MAN1A2: variants seen among roughly 807,000 people sequenced by gnomAD.
MAN1A2 encodes the protein mannosyl-oligosaccharide 1,2-alpha-mannosidase IB.
MAN1A2 carries 26 observed loss-of-function variants against 75.7 expected under a neutral mutation model. That is an observed-to-expected ratio of 0.34 (90% confidence interval 0.25 to 0.48). MAN1A2 has a LOEUF of 0.48. MAN1A2 is among the 20% of genes least tolerant of loss of function. MAN1A2 has a pLI of 0.99. For synonymous variants in MAN1A2, 247 were observed against 264.6 expected (o/e 0.93, Z 0.65); for missense variants, 562 against 775.5 (o/e 0.72, Z 3.27).
chr1:117,416,612 A>C (rs143983810), intron 4 of MAN1A2, among the ~76,000 whole-genome samples: 7 of 152,324 alleles, frequency 4.6e-5, no homozygotes, highest in African/African-American at 1.7e-4. Context: ...AATGTTTAGA[A>C]TTGTTATCCA....
At chr1:117,460,318 A>C (rs1177909225) in intron 6 of MAN1A2, among the ~76,000 whole-genome samples, 171 bp from the exon 7 acceptor site, 1 of 152,192 alleles carries the variant, frequency 6.6e-6, no homozygotes, top group East Asian at 1.9e-4. Flanking sequence ...AATTTTTAGA[A>C]CATGGATTTA....
intron 7 of MAN1A2, among the ~76,000 whole-genome samples, chr1:117,464,261 A>G (rs1308596634): frequency 1.0e-4 from 15 of 150,570 alleles, no homozygotes; most frequent in African/African-American, 3.4e-4. Context: ...TGGGAGGCTG[A>G]GGTGGGAGGA....
At chr1:117,370,485 CTGT>C (rs1159574968) in intron 1 of MAN1A2, among the ~76,000 whole-genome samples, 1 of 152,150 alleles carries the variant, frequency 6.6e-6, no homozygotes, top group Admixed American at 6.5e-5. Flanking sequence ...GTATTATTTG[CTGT>C]TGTTTACTAT....
chr1:117,465,095 A>G (rs937204148), intron 7 of MAN1A2, among the ~76,000 whole-genome samples: 1 of 152,158 alleles, frequency 6.6e-6, no homozygotes, highest in Admixed American at 6.6e-5. Context: ...ATAAGATGTG[A>G]TATCAGTAAC....
chr1:117,406,476 T>G (rs1647618865), intron 3 of MAN1A2, among the ~76,000 whole-genome samples: 1 of 152,068 alleles, frequency 6.6e-6, no homozygotes, highest in Admixed American at 6.6e-5. Flanking sequence ...AGCAATTTTC[T>G]TTTTGACACT....
intron 4 of MAN1A2, among the ~76,000 whole-genome samples, chr1:117,419,356 T>C (rs1648113765): frequency 6.6e-6 from 1 of 152,058 alleles, no homozygotes; most frequent in Admixed American, 6.6e-5. Context: ...ATGGAGGCCC[T>C]CCCACCCTTT....
At chr1:117,430,044 C>A (rs1570737496) in intron 5 of MAN1A2, among the ~76,000 whole-genome samples, 1 of 41,614 alleles carries the variant, frequency 2.4e-5, no homozygotes, top group Non-Finnish European at 5.0e-5. Flanking sequence ...GACCCCCCCA[C>A]CTCCCTCCCG....
intron 5 of MAN1A2, among the ~76,000 whole-genome samples, chr1:117,432,864 G>A (rs1648716402): frequency 6.7e-6 from 1 of 148,900 alleles, no homozygotes; most frequent in Non-Finnish European, 1.5e-5. Flanking sequence ...GTAAAGCATA[G>A]CTAGCAATAA....
At chr1:117,494,882 C>G (rs1240079918) in intron 9 of MAN1A2, 2 of 151,832 alleles carry the variant, frequency 1.3e-5, no homozygotes, top group African/African-American at 2.4e-5. Flanking sequence ...ATCTCAGCAC[C>G]TAGCACAATA....
intron 5 of MAN1A2, among the ~76,000 whole-genome samples, chr1:117,431,248 T>C (rs1648648655): frequency 1.6e-5 from 2 of 125,140 alleles, no homozygotes; most frequent in African/African-American, 6.1e-5. Flanking sequence ...CCTTTCATAA[T>C]GAAAAAAAGG....
intron 8 of MAN1A2, among the ~76,000 whole-genome samples, chr1:117,486,981 A>T (rs924501211): frequency 3.3e-5 from 5 of 151,994 alleles, no homozygotes; most frequent in Admixed American, 2.6e-4. Flanking sequence ...AGTGTGAGTA[A>T]GTAAGATTGG....
At chr1:117,420,348 G>A (rs1301774738) in intron 4 of MAN1A2, among the ~76,000 whole-genome samples, 1 of 152,004 alleles carries the variant, frequency 6.6e-6, no homozygotes, top group African/African-American at 2.4e-5. Flanking sequence ...AAAATGGCTT[G>A]TTGGTTTCAG....
At chr1:117,483,592 A>G (rs1460873331) in intron 8 of MAN1A2, among the ~76,000 whole-genome samples, 2 of 152,126 alleles carry the variant, frequency 1.3e-5, no homozygotes, top group Non-Finnish European at 1.5e-5. Flanking sequence ...TTGATTTTGT[A>G]TCCTGAGACT....
At chr1:117,373,539 A>C (rs1231913190) in intron 1 of MAN1A2, among the ~76,000 whole-genome samples, 1 of 145,194 alleles carries the variant, frequency 6.9e-6, no homozygotes, top group African/African-American at 2.6e-5. Context: ...GTGCAGTGGC[A>C]CAATTACAGT....
At chr1:117,396,388 A>G (rs1008148140) in intron 1 of MAN1A2, among the ~76,000 whole-genome samples, 3 of 152,244 alleles carry the variant, frequency 2.0e-5, no homozygotes, top group Non-Finnish European at 1.5e-5. Context: ...ACAGGAAGAT[A>G]CAAGACACTG....
At chr1:117,383,970 G>T (rs2101729840) in intron 1 of MAN1A2, among the ~76,000 whole-genome samples, 1 of 152,276 alleles carries the variant, frequency 6.6e-6, no homozygotes, top group South Asian at 2.1e-4. Context: ...GTCAGCTGCA[G>T]TGTCTCCACT....
At chr1:117,511,981 C>T (rs555919407) in intron 12 of MAN1A2, among the ~76,000 whole-genome samples, 33 of 152,054 alleles carry the variant, frequency 2.2e-4, no homozygotes, top group Non-Finnish European at 4.3e-4. Context: ...AGGATTGAAT[C>T]ATTTCATTTC....
At chr1:117,401,690 C>T (rs999945179) in intron 1 of MAN1A2, among the ~76,000 whole-genome samples, 1 of 152,100 alleles carries the variant, frequency 6.6e-6, no homozygotes, top group Non-Finnish European at 1.5e-5. Context: ...AGTAGTCATG[C>T]CCACATCTGT....
chr1:117,371,714 G>T (rs1652971186), intron 1 of MAN1A2, among the ~76,000 whole-genome samples: 1 of 152,146 alleles, frequency 6.6e-6, no homozygotes, highest in Non-Finnish European at 1.5e-5. Flanking sequence ...GAGAGGTCAG[G>T]TTTGGCCTGC....
Sources: gnomAD v4.1 joint callset for allele counts (sites outside exome capture counted in the v4.1 genomes callset) on GRCh38, gnomAD v4.1.1 for gene constraint, MANE v1.5 for transcripts, NCBI Gene and HGNC (gene_info 2026-07-23, HGNC 2026-07-21) for gene names.